The following ANLN variants were observed in gnomAD, a reference collection of about 807,000 sequenced individuals.
ANLN encodes the protein anillin, actin binding protein.
A neutral mutation model predicts 135.1 loss-of-function variants in ANLN; 59 were observed. The ratio of observed to expected loss-of-function variants is 0.44; its 90% confidence interval spans 0.35 to 0.54. The LOEUF is 0.54. Ranked by LOEUF, ANLN falls within the 20% of genes least tolerant of loss-of-function variation. The pLI, the probability that ANLN is intolerant of heterozygous loss-of-function variation, is 0.00. For missense variants in ANLN, 1,182 were observed against 1,340.0 expected (o/e 0.88, Z 1.84); for synonymous variants, 406 against 456.4 (o/e 0.89, Z 1.41).
rs1562777575 is a variant in ANLN, at chr7:36,389,869, T to A, written c.-158T>A. 1.9e-5 allele frequency: 25 copies of A among 1,335,918 alleles called. No individual in the cohort carries two copies. In the South Asian group the frequency reaches 2.9e-4, roughly 16 times the overall value. 82.8% of individuals were successfully genotyped at this position (1,335,918 alleles called of 1,614,324 possible). A position where few individuals can be genotyped will look rare whatever the true frequency, so the allele number is the denominator to read the frequency against. Reference sequence around the variant, plus strand: ...TGAACGGCTGCAGAGGCCGAGTCCGTCACTGGAAGCCGAGAGGAGAGGACA... The same window carrying A: ...TGAACGGCTGCAGAGGCCGAGTCCGACACTGGAAGCCGAGAGGAGAGGACA... On this transcript the variant is annotated 5_prime_UTR_variant, in exon 1 of 24. Transcript: ENST00000265748.
intron 6 of ANLN, 141 bp from the exon 7 acceptor site, chr7:36,410,918 G>A (rs554897005): frequency 3.5e-6 from 3 of 850,176 alleles, no homozygotes; most frequent in Non-Finnish European, 5.3e-6. Flanking sequence ...TGAATTCCAT[G>A]TGTATTATGA....
chr7:36,406,294 C>T lies in ANLN; in HGVS notation c.601C>T (p.Arg201Cys), dbSNP rs1787184711. 13 of 1,614,146 alleles carry T rather than the reference C, an allele frequency of 8.1e-6. No homozygotes were observed. Among genetic ancestry groups the T allele is most frequent in the Non-Finnish European group, 1.0e-5 (12 of 1,179,990 alleles). Residue 201 changes from arginine (R) to cysteine (C), a missense_variant, in exon 4 of 24, where the codon CGT becomes TGT. Arg to Cys is a radical substitution (Grantham distance 180, BLOSUM62 -3). Transcript: ENST00000265748. ...ASATPVGRRG[R>C]LANLAATICS... ...GGCAACTCCAGTTGGCAGAAGGGGC[C>T]GTCTGGCCAATCTTGCTGCAACTAT...
At chr7:36,441,202 G>A (rs73106364) in intron 21 of ANLN, among the ~76,000 whole-genome samples, 5,543 of 152,242 alleles carry the variant, frequency 0.036, 125 homozygotes, top group African/African-American at 0.057. Flanking sequence ...GATAGGCTCT[G>A]TTAAGATAGC....
chr7:36,433,507 A>G (rs1353443477), intron 20 of ANLN, among the ~76,000 whole-genome samples: 1 of 151,976 alleles, frequency 6.6e-6, no homozygotes, highest in Non-Finnish European at 1.5e-5. Context: ...TAATGTGCCT[A>G]CGTGTAGTTT....
Position 36,421,883 on chromosome 7 carries a change from A to G in ANLN, c.2190A>G (p.Gln730=), listed in dbSNP as rs750423005. 4.7e-5 allele frequency: 75 copies of G among 1,612,524 alleles called. No individual in the cohort carries two copies. The highest frequency in any genetic ancestry group is 1.5e-4 in the Admixed American group (9 of 59,802). Residue 730 remains glutamine (Q), a synonymous_variant, in exon 13 of 24, where the codon CAA becomes CAG. Transcript: ENST00000265748. ...MQELNNEINM[Q]QTVIYQASQA... is the part of the protein sequence containing the mutation. ...AACTCAATAACGAAATAAATATGCAACAGACAGTGATCTATCAAGCTAGCC... is the reference window on the plus strand; with the variant it reads ...AACTCAATAACGAAATAAATATGCAGCAGACAGTGATCTATCAAGCTAGCC...
Position 36,406,419 on chromosome 7 carries a change from T to A in ANLN, c.726T>A (p.Ser242Arg). 1 of 1,613,628 alleles carries A rather than the reference T, an allele frequency of 6.2e-7. No individual in the cohort carries two copies. The highest frequency in any genetic ancestry group is 8.5e-7 in the Non-Finnish European group (1 of 1,179,584). Residue 242 changes from serine to arginine, a missense_variant, in exon 4 of 24, where the codon AGT becomes AGA. Transcript: ENST00000265748. ...GTTTATCCAAATTTTCCTCTGCAAG[T>A]GGAGCATCTGCTAGGATCAATAGCA... is the stretch of plus-strand genomic sequence containing the variant. The part of the protein sequence containing the change: ...TACLSKFSSA[S>R]GASARINSSS...
chr7:36,440,020 CGAA>C (rs1362549602), intron 21 of ANLN, among the ~76,000 whole-genome samples: 1 of 152,116 alleles, frequency 6.6e-6, no homozygotes, highest in East Asian at 1.9e-4. Context: ...AATGACAACC[CGAA>C]GAAGACTAGT....
Position 36,407,991 on chromosome 7 carries a change from T to C in ANLN, c.1096+35T>C, listed in dbSNP as rs3801315. Reference sequence around the variant, plus strand: ...TTATAAAAAATTTAGTTATTGCTGATTATATTCAGGATATCTATTCTCAGC... The same window carrying C: ...TTATAAAAAATTTAGTTATTGCTGACTATATTCAGGATATCTATTCTCAGC... On this transcript the variant is annotated intron_variant, in intron 5 of 23. Coordinates refer to ENST00000265748, the MANE Select transcript of ANLN (RefSeq NM_018685.5). 599,427 of 1,483,146 alleles carry C rather than the reference T, an allele frequency of 0.4. 123,303 individuals carry two copies. The highest frequency in any genetic ancestry group is 0.59 in the East Asian group (25,117 of 42,792). The allele number at this position is 1,483,146 out of a possible 1,614,324, so 91.9% of individuals were successfully genotyped here. A position where few individuals can be genotyped will look rare whatever the true frequency, so the allele number is the denominator to read the frequency against.
intron 22 of ANLN, among the ~76,000 whole-genome samples, chr7:36,444,597 T>G (rs1788915142): frequency 6.6e-6 from 1 of 152,166 alleles, no homozygotes; most frequent in South Asian, 2.1e-4. Context: ...TAATATATCA[T>G]GTTTTTAAAG....
intron 3 of ANLN, among the ~76,000 whole-genome samples, chr7:36,405,814 G>C (rs765555535): frequency 3.9e-5 from 6 of 152,124 alleles, no homozygotes; most frequent in Non-Finnish European, 8.8e-5. Context: ...ACATTCTGTT[G>C]TACAGCAATG....
chr7:36,414,598 T>A (rs558370922), intron 7 of ANLN, among the ~76,000 whole-genome samples: 39 of 152,312 alleles, frequency 2.6e-4, no homozygotes, highest in Non-Finnish European at 4.7e-4. Context: ...GAGAGCTGAC[T>A]CAGACATAGG....
chr7:36,395,949 A>G (rs960531190), intron 1 of ANLN, among the ~76,000 whole-genome samples: 3 of 152,170 alleles, frequency 2.0e-5, no homozygotes, highest in African/African-American at 7.2e-5. Context: ...TTATTGGTCA[A>G]AGCAGATCAC....
In ANLN at chr7:36,426,963, G is replaced by A. The variant is rs374276642; in HGVS notation, c.2818G>A (p.Ala940Thr). 1.2e-4 allele frequency: 190 copies of A among 1,613,216 alleles called. No homozygotes were observed. Among genetic ancestry groups the A allele is most frequent in the Non-Finnish European group, 1.5e-4 (181 of 1,179,806 alleles). ...TAGTGCTGTGCGAACCAGCAACTTC[G>A]CCCTTGTTGGATCTTACACATTATC... ...GLSAVRTSNF[A>T]LVGSYTLSLS... Residue 940 changes from alanine to threonine, a missense_variant, in exon 20 of 24, where the codon GCC (alanine) becomes ACC (threonine). Around this residue, in one of 3 missense-constraint regions of ANLN, gnomAD observed 1,022 missense variants for 1,134.0 expected, o/e 0.90. Coordinates refer to ENST00000265748, the MANE Select transcript of ANLN (RefSeq NM_018685.5).
At chr7:36,419,914 C>G (rs1342270555) in intron 10 of ANLN, among the ~76,000 whole-genome samples, 5 of 152,140 alleles carry the variant, frequency 3.3e-5, no homozygotes, top group African/African-American at 1.2e-4. Flanking sequence ...TATTAGCTTT[C>G]ACCCTCAATT....
chr7:36,415,629 T>A (rs1416500079), intron 7 of ANLN, 129 bp from the exon 8 acceptor site: 1 of 1,035,344 alleles, frequency 9.7e-7, no homozygotes, highest in Non-Finnish European at 1.3e-6. Flanking sequence ...TCACATACAC[T>A]ATCTCTTTGG....
intron 1 of ANLN, among the ~76,000 whole-genome samples, chr7:36,392,082 A>C (rs562967975): frequency 6.6e-6 from 1 of 152,344 alleles, no homozygotes; most frequent in Non-Finnish European, 1.5e-5. Flanking sequence ...AAAGAAACCC[A>C]GAGTGAAGTG....
Position 36,443,744 on chromosome 7 carries a change from G to A in ANLN, c.2971-11G>A. 6.3e-7 allele frequency: 1 copy of A among 1,596,502 alleles called. No homozygotes were observed. Among genetic ancestry groups the A allele is most frequent in the Non-Finnish European group, 8.6e-7 (1 of 1,167,290 alleles). On this transcript the variant is annotated splice_polypyrimidine_tract_variant and intron_variant, in intron 21 of 23. Coordinates refer to ENST00000265748, the MANE Select transcript of ANLN (RefSeq NM_018685.5). ...ACTTTCTAAAGCCAGCATTTCAACTGACTTTTCCAGACCATATTTGAAGAT... is the reference window on the plus strand; with the variant it reads ...ACTTTCTAAAGCCAGCATTTCAACTAACTTTTCCAGACCATATTTGAAGAT...
intron 1 of ANLN, among the ~76,000 whole-genome samples, chr7:36,394,673 A>C (rs1786625377): frequency 6.8e-6 from 1 of 146,862 alleles, no homozygotes. Flanking sequence ...AATTTAGCTC[A>C]TATTTCTTTT....
intron 20 of ANLN, among the ~76,000 whole-genome samples, chr7:36,432,186 C>T (rs1394591863): frequency 1.3e-5 from 2 of 152,148 alleles, no homozygotes; most frequent in Non-Finnish European, 2.9e-5. Flanking sequence ...GCTATGATCA[C>T]GCCACTGCAC....
Sources: gnomAD v4.1 joint callset for allele counts (sites outside exome capture counted in the v4.1 genomes callset) on GRCh38, gnomAD v4.1.1 for gene constraint, gnomAD v4.1.1 regional missense constraint, MANE v1.5 for transcripts, NCBI Gene and HGNC (gene_info 2026-07-23, HGNC 2026-07-21) for gene names.